ZNF488: variants seen among roughly 807,000 people sequenced by gnomAD.
The protein encoded by ZNF488 is zinc finger protein 488.
In ZNF488, 1 loss-of-function variant was observed where a neutral mutation model predicts 1.2. The observed-to-expected ratio is 0.86, with a 90% confidence interval of 0.30 to 4.07. ZNF488 has a LOEUF of 4.07. ZNF488 is among the 30% of genes most tolerant of loss of function. ZNF488 has a pLI of 0.18. For missense variants in ZNF488, 450 were observed against 437.9 expected (o/e 1.03, Z -0.25); for synonymous variants, 185 against 190.1 (o/e 0.97, Z 0.22).
In ZNF488 at chr10:47,368,310, G is replaced by C. The variant is rs782202261; in HGVS notation, c.520C>G (p.Pro174Ala). ...SKPTKRPAER[P>A]ELTSVFPAGE... ...GCAGGGAAGACTGAGGTTAGCTCAGGCCTCTCTGCTGGTCGCTTGGTTGGT... is the reference window on the plus strand; with the variant it reads ...GCAGGGAAGACTGAGGTTAGCTCAGCCCTCTCTGCTGGTCGCTTGGTTGGT... Residue 174 changes from proline (P) to alanine (A), a missense_variant, in exon 2 of 2, where the codon CCT becomes GCT. Pro to Ala is a conservative substitution (Grantham distance 27). Transcript: ENST00000585316. 1.2e-6 allele frequency: 2 copies of C among 1,614,226 alleles called. No homozygotes were observed. Among genetic ancestry groups the C allele is most frequent in the Non-Finnish European group, 1.7e-6 (2 of 1,180,040 alleles).
At chr10:47,370,825 A>C (rs781859255) in intron 1 of ZNF488, among the ~76,000 whole-genome samples, 2 of 152,120 alleles carry the variant, frequency 1.3e-5, no homozygotes, top group South Asian at 2.1e-4. Context: ...CACACACACA[A>C]AATGCATACA....
At chr10:47,378,914 G>A (rs782676143) in intron 1 of ZNF488, among the ~76,000 whole-genome samples, 4 of 152,120 alleles carry the variant, frequency 2.6e-5, no homozygotes, top group Non-Finnish European at 5.9e-5. Context: ...TGACGTCAGA[G>A]GTGAATGTCG....
chr10:47,377,677 ACAC>A (rs1555214627), intron 1 of ZNF488, among the ~76,000 whole-genome samples: 1 of 63,464 alleles, frequency 1.6e-5, no homozygotes, highest in Non-Finnish European at 3.0e-5. Context: ...ACAATCACAC[ACAC>A]ACACACACAC....
intron 1 of ZNF488, among the ~76,000 whole-genome samples, chr10:47,378,752 G>A (rs1447847197): frequency 1.3e-5 from 2 of 152,162 alleles, no homozygotes; most frequent in African/African-American, 4.8e-5. Context: ...TTTGTCACAA[G>A]CTTTTGACTA....
In ZNF488 at chr10:47,367,601, C is replaced by A. The variant is rs1328109824; in HGVS notation, c.*206G>T. On this transcript the variant is annotated 3_prime_UTR_variant, in exon 2 of 2. Transcript: ENST00000585316. ...GGCCTCTACCCTGGATTTGCAAAGC[C>A]CATCACTTTATTTCAGGACTTCATT... 3.1e-6 allele frequency: 2 copies of A among 655,668 alleles called. No homozygotes were observed. Among genetic ancestry groups the A allele is most frequent in the African/African-American group, 3.7e-5 (2 of 54,576 alleles). 40.6% of individuals were successfully genotyped at this position (655,668 alleles called of 1,614,324 possible).
chr10:47,366,724 A>G lies in ZNF488; in HGVS notation c.*1083T>C, dbSNP rs1837231732. The G allele has an allele frequency of 6.0e-6, 1 of 167,068 alleles. No individual in the cohort carries two copies. Among genetic ancestry groups the G allele is most frequent in the Non-Finnish European group, 1.5e-5 (1 of 68,118 alleles). 10.3% of individuals were successfully genotyped at this position (167,068 alleles called of 1,614,324 possible). ...CTGACCGAAACGCAGTAGATAATAAATGGTACCTAGAATGCTCCCCAGCCT... is the reference window on the plus strand; with the variant it reads ...CTGACCGAAACGCAGTAGATAATAAGTGGTACCTAGAATGCTCCCCAGCCT... On this transcript the variant is annotated 3_prime_UTR_variant, in exon 2 of 2. Coordinates refer to ENST00000585316, the MANE Select transcript of ZNF488 (RefSeq NM_153034.4).
At chr10:47,378,532 G>A (rs1837783520) in intron 1 of ZNF488, among the ~76,000 whole-genome samples, 2 of 152,152 alleles carry the variant, frequency 1.3e-5, no homozygotes, top group South Asian at 2.1e-4. Flanking sequence ...AGCCTCCATG[G>A]CTTGCTATGC....
intron 1 of ZNF488, among the ~76,000 whole-genome samples, chr10:47,378,184 C>T (rs782646176): frequency 2.0e-5 from 3 of 152,236 alleles, no homozygotes; most frequent in Non-Finnish European, 2.9e-5. Flanking sequence ...GGCAGAGCTT[C>T]GCGAACTGCC....
intron 1 of ZNF488, 35 bp from the exon 2 acceptor site, chr10:47,368,972 G>T: frequency 1.0e-6 from 1 of 955,752 alleles, no homozygotes; most frequent in Non-Finnish European, 1.5e-6. Flanking sequence ...AGTGAGATGG[G>T]CATTCATCAC....
chr10:47,380,258 T>C (rs149665282), intron 1 of ZNF488, among the ~76,000 whole-genome samples: 1 of 152,202 alleles, frequency 6.6e-6, no homozygotes, highest in Admixed American at 6.5e-5. Context: ...CAGCAAGACA[T>C]CTTTCTGAGC....
At chr10:47,378,293 A>G (rs534306434) in intron 1 of ZNF488, among the ~76,000 whole-genome samples, 1 of 152,188 alleles carries the variant, frequency 6.6e-6, no homozygotes, top group Non-Finnish European at 1.5e-5. Context: ...GACCACATGT[A>G]AAGGTGGCAC....
At chr10:47,380,154 C>A (rs1409458417) in intron 1 of ZNF488, among the ~76,000 whole-genome samples, 1 of 152,278 alleles carries the variant, frequency 6.6e-6, no homozygotes, top group Admixed American at 6.5e-5. Context: ...GGCTCTCACC[C>A]CCTGACACTC....
rs368175559 is a variant in ZNF488 at position 47,366,506 on chromosome 10, T to G, written c.*1301A>C. 1 of 166,998 alleles carries G rather than the reference T, an allele frequency of 6.0e-6. No individual in the cohort carries two copies. Among genetic ancestry groups the G allele is most frequent in the East Asian group, 1.9e-4 (1 of 5,184 alleles). The allele number at this position is 166,998 out of a possible 1,614,324, so 10.3% of individuals were successfully genotyped here. ...CCTGAGATCTGTGCTGGGGACTCAT[T>G]GGAGGGCTGGAAACTGCATATCAAA... On this transcript the variant is annotated 3_prime_UTR_variant, in exon 2 of 2. Transcript: ENST00000585316.
At chr10:47,381,620 C>T (rs1277253972) in intron 1 of ZNF488, among the ~76,000 whole-genome samples, 2 of 151,948 alleles carry the variant, frequency 1.3e-5, no homozygotes, top group African/African-American at 4.8e-5. Context: ...AGCAGCAATG[C>T]CTGCTGCATT....
At chr10:47,374,708 C>A (rs1292137148) in intron 1 of ZNF488, among the ~76,000 whole-genome samples, 1 of 152,198 alleles carries the variant, frequency 6.6e-6, no homozygotes, top group Admixed American at 6.5e-5. Context: ...GTACCAGCAC[C>A]AATCACAAGG....
chr10:47,375,344 C>A (rs1460430972), intron 1 of ZNF488, among the ~76,000 whole-genome samples: 3 of 152,178 alleles, frequency 2.0e-5, no homozygotes, highest in Non-Finnish European at 4.4e-5. Context: ...CTCCACCTGC[C>A]GGTGCGGGGG....
At position 47,367,831 on chromosome 10, in the gene ZNF488, G is replaced by A. The variant is rs1555213030; in HGVS notation, c.999C>T (p.Ser333=). Residue 333 remains serine (S), a synonymous_variant, in exon 2 of 2, where the codon TCC becomes TCT. Coordinates refer to ENST00000585316, the MANE Select transcript of ZNF488 (RefSeq NM_153034.4). ...QEHFRERHHL[S]RHMTSHS ...GCTAGCTGTGAGAAGTCATGTGCCGGGAGAGGTGGTGGCGCTCCCGGAAGT... is the reference window on the plus strand; with the variant it reads ...GCTAGCTGTGAGAAGTCATGTGCCGAGAGAGGTGGTGGCGCTCCCGGAAGT... 10 of 1,612,756 alleles carry A rather than the reference G, an allele frequency of 6.2e-6. No homozygotes were observed. In the South Asian group the frequency reaches 9.9e-5, roughly 16 times the overall value.
At chr10:47,377,600 T>A (rs1466793338) in intron 1 of ZNF488, among the ~76,000 whole-genome samples, 1 of 114,648 alleles carries the variant, frequency 8.7e-6, no homozygotes, top group Non-Finnish European at 1.8e-5. Context: ...AATAACAATC[T>A]CACACACACA....
chr10:47,380,285 A>G (rs1386963091), intron 1 of ZNF488, among the ~76,000 whole-genome samples: 1 of 151,668 alleles, frequency 6.6e-6, no homozygotes, highest in East Asian at 1.9e-4. Flanking sequence ...GATGTCTCTC[A>G]TTGCCACCCC....
Sources: allele counts gnomAD v4.1 joint callset (sites outside exome capture counted in the v4.1 genomes callset), GRCh38; gene constraint gnomAD v4.1.1; transcripts MANE v1.5; gene names NCBI Gene and HGNC (gene_info 2026-07-23, HGNC 2026-07-21).